The following SLC22A15 variants were observed in gnomAD, a reference collection of about 807,000 sequenced individuals.
SLC22A15 encodes solute carrier family 22 member 15.
In SLC22A15, 45 loss-of-function variants were observed where a neutral mutation model predicts 62.7. The ratio of observed to expected loss-of-function variants is 0.72; its 90% CI spans 0.56 to 0.92. The LOEUF (loss-of-function observed/expected upper bound fraction) is 0.92. SLC22A15 is among the 40% of genes least tolerant of loss of function. The probability of loss-of-function intolerance (pLI) is 0.00; values close to 1 mark genes in which losing one functional copy is unlikely to be tolerated. For missense variants in SLC22A15, 622 were observed against 665.6 expected, an observed-to-expected ratio of 0.93 and a Z score of 0.72; for synonymous variants, 264 against 267.0, an observed-to-expected ratio of 0.99 and a Z score of 0.11.
chr1:116,054,923 A>G (rs1658160936), intron 8 of SLC22A15, among the ~76,000 whole-genome samples: 1 of 152,056 alleles, frequency 6.6e-6, no homozygotes, highest in Non-Finnish European at 1.5e-5. Context: ...AGGGAAATTT[A>G]TAGCACTAAA....
chr1:116,042,084 A>T (rs994759694), intron 8 of SLC22A15, among the ~76,000 whole-genome samples: 1 of 85,626 alleles, frequency 1.2e-5, no homozygotes, highest in African/African-American at 3.9e-5. Flanking sequence ...CCAGCACCCC[A>T]AAAAATAACA....
At chr1:115,994,091 T>G (rs977619865) in intron 2 of SLC22A15, among the ~76,000 whole-genome samples, 5 of 152,186 alleles carry the variant, frequency 3.3e-5, no homozygotes, top group Non-Finnish European at 7.3e-5. Context: ...AGACTGTTGT[T>G]TGTGGTTCAG....
rs1462159892 is a variant in SLC22A15, at chr1:115,995,975, C to G, written c.300+3732C>G. ...AACTGAGATATTAACACTGACACTG[C>G]TAAGACACAAAACATTTCCATCACC... is the stretch of plus-strand genomic sequence containing the variant. On this transcript the variant is annotated intron_variant, in intron 2 of 11. Transcript: ENST00000369503. 2.6e-5 allele frequency among the ~76,000 whole-genome samples: 4 copies of G among 152,178 alleles called. No homozygotes were observed. In the South Asian group the frequency reaches 8.3e-4, roughly 32 times the overall value.
intron 2 of SLC22A15, 99 bp from the exon 3 acceptor site, chr1:116,019,483 C>A: frequency 8.9e-7 from 1 of 1,126,628 alleles, no homozygotes; most frequent in South Asian, 1.7e-5. Context: ...GTGGATCATG[C>A]AGTATAGAAA....
intron 10 of SLC22A15, among the ~76,000 whole-genome samples, chr1:116,066,292 G>A (rs911323756): frequency 6.6e-6 from 1 of 152,190 alleles, no homozygotes; most frequent in Non-Finnish European, 1.5e-5. Flanking sequence ...GTACAGACTA[G>A]TGCTGTCCTT....
intron 8 of SLC22A15, among the ~76,000 whole-genome samples, chr1:116,060,302 C>T (rs754296078): frequency 1.3e-5 from 2 of 152,208 alleles, no homozygotes; most frequent in African/African-American, 4.8e-5. Context: ...CAGGCACATA[C>T]GAGAGAAGTT....
chr1:116,047,457 A>G (rs999512169), intron 8 of SLC22A15, among the ~76,000 whole-genome samples: 2 of 152,072 alleles, frequency 1.3e-5, no homozygotes, highest in East Asian at 1.9e-4. Flanking sequence ...CACAAAAGCT[A>G]AGAACCCTCA....
At chr1:116,026,763 G>A (rs987261040) in intron 4 of SLC22A15, 130 bp from the exon 5 acceptor site, 67 of 960,496 alleles carry the variant, frequency 7.0e-5, no homozygotes, top group Non-Finnish European at 9.3e-5. Context: ...TTCTTTTCTG[G>A]TGTGCCTCTT....
At chr1:115,989,805 A>G (rs1655061655) in intron 1 of SLC22A15, among the ~76,000 whole-genome samples, 1 of 152,108 alleles carries the variant, frequency 6.6e-6, no homozygotes, top group East Asian at 1.9e-4. Context: ...TGATATGTTA[A>G]CATATATTCA....
chr1:116,046,165 T>C (rs1219714100), intron 8 of SLC22A15, among the ~76,000 whole-genome samples: 1 of 152,150 alleles, frequency 6.6e-6, no homozygotes, highest in Admixed American at 6.5e-5. Context: ...GAAGAGAACA[T>C]AGGAGAAAAA....
chr1:116,050,304 C>T (rs1658017171), intron 8 of SLC22A15, among the ~76,000 whole-genome samples: 1 of 152,114 alleles, frequency 6.6e-6, no homozygotes, highest in South Asian at 2.1e-4. Context: ...AAGAAAACTA[C>T]AGACTGATAT....
Position 116,035,176 on chromosome 1 carries a change from C to T in SLC22A15, c.945-11C>T, listed in dbSNP as rs755127627. The T allele has an allele frequency of 2.5e-6, 4 of 1,607,928 alleles. No individual in the cohort carries two copies. In the African/African-American group the frequency reaches 5.4e-5, roughly 22 times the overall value. ...TCTTTTACCTCCTGGTCCTTTGACTCCCAATTGCAGGTTTGTGTGCAGCTT... is the reference window on the plus strand; with the variant it reads ...TCTTTTACCTCCTGGTCCTTTGACTTCCAATTGCAGGTTTGTGTGCAGCTT... On this transcript the variant is annotated splice_polypyrimidine_tract_variant and intron_variant, in intron 6 of 11. Transcript: ENST00000369503.
rs575338096 is a variant in SLC22A15, at chr1:116,052,371, G to A, written c.1172-10391G>A. On this transcript the variant is annotated intron_variant, in intron 8 of 11. Coordinates refer to ENST00000369503, the MANE Select transcript of SLC22A15 (RefSeq NM_018420.3). ...GGGGCGCCCGCCATTGCCCAGGCTT[G>A]CTTAGGTAAACAAAGCAGCCGGGAA... Among the ~76,000 whole-genome samples, 198 of 152,356 alleles carry A rather than the reference G, an allele frequency of 1.3e-3. 1 individual carries two copies. The highest frequency in any genetic ancestry group is 0.01 in the South Asian group (49 of 4,828).
intron 8 of SLC22A15, among the ~76,000 whole-genome samples, chr1:116,046,410 G>C (rs1158833751): frequency 1.3e-5 from 2 of 152,098 alleles, no homozygotes; most frequent in South Asian, 2.1e-4. Context: ...GAAAAAATAG[G>C]CAAAAGATTT....
chr1:116,062,983 T>G (rs1658419076), intron 9 of SLC22A15, 101 bp downstream of exon 9: 1 of 1,462,616 alleles, frequency 6.8e-7, no homozygotes, highest in African/African-American at 1.4e-5. Flanking sequence ...CTTCTGGAGT[T>G]AGTTTGGGGC....
intron 2 of SLC22A15, among the ~76,000 whole-genome samples, chr1:116,000,044 T>C (rs1178233404): frequency 2.6e-5 from 4 of 151,988 alleles, no homozygotes; most frequent in Non-Finnish European, 5.9e-5. Context: ...TGGGTCTTGG[T>C]TTTTTTATCC....
chr1:116,038,950 C>T (rs1364776754), intron 8 of SLC22A15, among the ~76,000 whole-genome samples: 2 of 152,128 alleles, frequency 1.3e-5, no homozygotes, highest in Non-Finnish European at 2.9e-5. Flanking sequence ...GGTAACCTAT[C>T]CCCTAGGACT....
rs948640740 is a variant in SLC22A15, at chr1:116,058,462, A to T, written c.1172-4300A>T. Among the ~76,000 whole-genome samples, 15 of 152,274 alleles carry T rather than the reference A, an allele frequency of 9.9e-5. No homozygotes were observed. The East Asian group carries it at 1.9e-3, about 20-fold the overall frequency. On this transcript the variant is annotated intron_variant, in intron 8 of 11. Coordinates refer to ENST00000369503, the MANE Select transcript of SLC22A15 (RefSeq NM_018420.3). ...CTGGCCATAATCAAAAAATCAAAAA[A>T]CAGTAGATGTTGGCATGGATGCGGG... is the stretch of plus-strand genomic sequence containing the variant.
At chr1:116,023,888 T>C (rs1656962531) in intron 4 of SLC22A15, among the ~76,000 whole-genome samples, 2 of 152,180 alleles carry the variant, frequency 1.3e-5, no homozygotes, top group African/African-American at 4.8e-5. Context: ...ACCCAGGCCT[T>C]GAAGCAGGAA....
Sources: gnomAD v4.1 joint callset for allele counts (sites outside exome capture counted in the v4.1 genomes callset) on GRCh38, gnomAD v4.1.1 for gene constraint, MANE v1.5 for transcripts, NCBI Gene and HGNC (gene_info 2026-07-23, HGNC 2026-07-21) for gene names.